Variants in PID1 observed in about 807,000 individuals in gnomAD.
PID1 encodes the protein PTB-containing, cubilin and LRP1-interacting protein.
A neutral mutation model predicts 19.1 loss-of-function variants in PID1; 10 were observed. That is an observed-to-expected ratio of 0.52 (90% CI 0.32 to 0.89). The LOEUF (loss-of-function observed/expected upper bound fraction) is 0.89. PID1 is among the 40% of genes least tolerant of loss of function. The probability of loss-of-function intolerance (pLI) is 0.03; values close to 1 mark genes in which losing one functional copy is unlikely to be tolerated. For synonymous variants in PID1, 130 were observed against 116.0 expected, an observed-to-expected ratio of 1.12 and a Z score of -0.78; for missense variants, 248 against 285.3, an observed-to-expected ratio of 0.87 and a Z score of 0.94.
At chr2:229,141,211 C>T (rs1314852097) in intron 2 of PID1, among the ~76,000 whole-genome samples, 1 of 151,956 alleles carries the variant, frequency 6.6e-6, no homozygotes, top group Admixed American at 6.6e-5. Context: ...ATCTTCAAGA[C>T]TAAGGTCCAT....
chr2:229,104,147 A>T (rs977866288), intron 2 of PID1, among the ~76,000 whole-genome samples: 53 of 152,296 alleles, frequency 3.5e-4, no homozygotes, highest in African/African-American at 1.2e-3. Flanking sequence ...GTCTCGGTTT[A>T]TAACAAGCGA....
At chr2:229,110,942 G>T (rs1196842632) in intron 2 of PID1, among the ~76,000 whole-genome samples, 1 of 152,142 alleles carries the variant, frequency 6.6e-6, no homozygotes, top group Non-Finnish European at 1.5e-5. Flanking sequence ...ATTCCCATGT[G>T]TTGTGGGAGA....
At chr2:229,258,543 C>T (rs1214106712) in intron 1 of PID1, among the ~76,000 whole-genome samples, 6 of 152,138 alleles carry the variant, frequency 3.9e-5, no homozygotes, top group Admixed American at 2.6e-4. Flanking sequence ...ATGAGGATTT[C>T]ACATACACAT....
At chr2:229,093,785 T>A (rs552358828) in intron 2 of PID1, among the ~76,000 whole-genome samples, 2 of 151,716 alleles carry the variant, frequency 1.3e-5, no homozygotes, top group Admixed American at 6.6e-5. Flanking sequence ...CTCAACAATC[T>A]AGGCATAGAA....
intron 2 of PID1, among the ~76,000 whole-genome samples, chr2:229,137,824 C>T (rs1004574760): frequency 6.6e-6 from 1 of 152,154 alleles, no homozygotes; most frequent in Non-Finnish European, 1.5e-5. Flanking sequence ...TAAACATACA[C>T]ACATCAAGGC....
chr2:229,128,469 C>T (rs1346170490), intron 2 of PID1, among the ~76,000 whole-genome samples: 1 of 152,120 alleles, frequency 6.6e-6, no homozygotes, highest in Non-Finnish European at 1.5e-5. Flanking sequence ...TTATTTATGA[C>T]TTTTGTTGCT....
At chr2:229,128,779 A>C (rs1260012793) in intron 2 of PID1, among the ~76,000 whole-genome samples, 1 of 152,222 alleles carries the variant, frequency 6.6e-6, no homozygotes, top group African/African-American at 2.4e-5. Flanking sequence ...AAAGAGATGA[A>C]TAAATTAATG....
At chr2:229,051,802 C>G (rs1164174498) in intron 2 of PID1, among the ~76,000 whole-genome samples, 1 of 152,210 alleles carries the variant, frequency 6.6e-6, no homozygotes, top group Non-Finnish European at 1.5e-5. Flanking sequence ...GCTTGTCAGT[C>G]CAACTTGGAT....
At chr2:229,180,067 T>G (rs1279549420) in intron 1 of PID1, among the ~76,000 whole-genome samples, 3 of 152,188 alleles carry the variant, frequency 2.0e-5, no homozygotes, top group Admixed American at 2.0e-4. Context: ...TACAACCACA[T>G]GCACTTCGTA....
At chr2:229,179,409 T>C (rs1690891918) in intron 1 of PID1, among the ~76,000 whole-genome samples, 1 of 152,024 alleles carries the variant, frequency 6.6e-6, no homozygotes, top group Non-Finnish European at 1.5e-5. Flanking sequence ...ATTAGGAAAA[T>C]GCTTCCCATT....
rs537387138 is a variant in PID1, at chr2:229,046,753, G to A, written c.178-20645C>T. 5.9e-4 allele frequency among the ~76,000 whole-genome samples: 90 copies of A among 152,154 alleles called. 2 individuals carry two copies. The South Asian group carries it at 0.018, about 31-fold the overall frequency. On this transcript the variant is annotated intron_variant, in intron 2 of 2. Coordinates refer to ENST00000392055, the MANE Select transcript of PID1 (RefSeq NM_001100818.2). ...CAGTCACTCCAAACAACTTGATCTC[G>A]CTGTTAGATTTTGGTTTAGACAAAA...
rs188432227 is a variant in PID1 at position 229,062,183 on chromosome 2, G to C, written c.178-36075C>G. Among the ~76,000 whole-genome samples, 37 of 151,952 alleles carry C rather than the reference G, an allele frequency of 2.4e-4. No individual in the cohort carries two copies. In the East Asian group the frequency reaches 7.1e-3, roughly 29 times the overall value. On this transcript the variant is annotated intron_variant, in intron 2 of 2. Transcript: ENST00000392055. ...TTTTATTTCTGATTTTAGAGAAAAA[G>C]GTTTCATCTTTTCACTGTGGGGTAT...
chr2:229,087,878 A>T (rs1214728881), intron 2 of PID1, among the ~76,000 whole-genome samples: 2 of 152,186 alleles, frequency 1.3e-5, no homozygotes, highest in Non-Finnish European at 2.9e-5. Context: ...TTTGTCCTTC[A>T]ATTAGTCAAT....
At chr2:229,180,330 TA>T (rs1393599292) in intron 1 of PID1, among the ~76,000 whole-genome samples, 54 of 152,298 alleles carry the variant, frequency 3.5e-4, no homozygotes, top group African/African-American at 1.2e-3. Context: ...TGCATATCTG[TA>T]TGCGCATAGA....
chr2:229,035,426 G>A (rs1428782020), intron 2 of PID1, among the ~76,000 whole-genome samples: 1 of 150,170 alleles, frequency 6.7e-6, no homozygotes, highest in Non-Finnish European at 1.5e-5. Flanking sequence ...AGATATGTCT[G>A]TCTCTCTCTC....
At chr2:229,142,798 G>A (rs1229943243) in intron 2 of PID1, among the ~76,000 whole-genome samples, 1 of 152,072 alleles carries the variant, frequency 6.6e-6, no homozygotes, top group Non-Finnish European at 1.5e-5. Flanking sequence ...CGATTCCTCA[G>A]GGATCTAGAA....
intron 2 of PID1, among the ~76,000 whole-genome samples, chr2:229,130,095 G>A (rs190670904): frequency 6.8e-4 from 103 of 152,280 alleles, no homozygotes; most frequent in Non-Finnish European, 4.1e-4. Context: ...ATCTCAGCTC[G>A]CTTTTACTGA....
At position 229,202,315 on chromosome 2, in the gene PID1, G is replaced by T. The variant is rs886489591; in HGVS notation, c.31-46351C>A. ...AAGCTATGAATCCAGGGCGGGCATC[G>T]ATTTGCCTTTTATTCACTCCTCTCA... On this transcript the variant is annotated intron_variant, in intron 1 of 2. Coordinates refer to ENST00000392055, the MANE Select transcript of PID1 (RefSeq NM_001100818.2). 1.2e-4 allele frequency among the ~76,000 whole-genome samples: 18 copies of T among 152,026 alleles called. 3 individuals carry two copies. The highest frequency in any genetic ancestry group is 1.1e-3 in the Admixed American group (17 of 15,252).
rs1559251086 is a variant in PID1, at chr2:229,139,000, AAAGAAAGAAAG to A, written c.177+16807_177+16817del. On this transcript the variant is annotated intron_variant, in intron 2 of 2. Coordinates refer to ENST00000392055, the MANE Select transcript of PID1 (RefSeq NM_001100818.2). Reference sequence around the variant, plus strand: ...AAATAGAAGAAAGAAAGAAAGAAAGAAAGAAAGAAAGAAAGAAAGAAAGAAAGAAAGAAAGA... The same window carrying A: ...AAATAGAAGAAAGAAAGAAAGAAAGAAAAGAAAGAAAGAAAGAAAGAAAGA... Among the ~76,000 whole-genome samples, 38 of 89,068 alleles carry A rather than the reference AAAGAAAGAAAG, an allele frequency of 4.3e-4. 1 individual carries two copies. The highest frequency in any genetic ancestry group is 1.5e-3 in the African/African-American group (35 of 23,190). The allele number at this position is 89,068 out of a possible 152,430, so 58.4% of individuals were successfully genotyped here.
Sources: gnomAD v4.1 joint callset for allele counts (sites outside exome capture counted in the v4.1 genomes callset) on GRCh38, gnomAD v4.1.1 for gene constraint, MANE v1.5 for transcripts, NCBI Gene and HGNC (gene_info 2026-07-23, HGNC 2026-07-21) for gene names.